FNDC3A: variants seen among roughly 807,000 people sequenced by gnomAD.
The protein encoded by FNDC3A is fibronectin type III domain containing 3A, also known as fibronectin type-III domain-containing protein 3A.
In FNDC3A, 32 loss-of-function variants were observed where a neutral mutation model predicts 148.9. The ratio of observed to expected loss-of-function variants is 0.21; its 90% CI spans 0.16 to 0.29. FNDC3A has a LOEUF of 0.29. FNDC3A is among the 10% of genes least tolerant of loss of function. The probability of loss-of-function intolerance (pLI) is 1.00; values close to 1 mark genes in which losing one functional copy is unlikely to be tolerated. For missense variants in FNDC3A, 1,191 were observed against 1,452.8 expected, an observed-to-expected ratio of 0.82 and a Z score of 2.93; for synonymous variants, 472 against 473.6, an observed-to-expected ratio of 1.00 and a Z score of 0.04.
Position 49,131,877 on chromosome 13 carries a change from T to C in FNDC3A, c.490+503T>C, listed in dbSNP as rs1299217848. On this transcript the variant is annotated intron_variant, in intron 5 of 25. Transcript: ENST00000492622. ...ATAAACACAAAATAATACCTTATTA[T>C]GTCCCATAGCTTTAAACACTGCCTT... Among the ~76,000 whole-genome samples, 4 of 152,386 alleles carry C rather than the reference T, an allele frequency of 2.6e-5. No homozygotes were observed. In the East Asian group the frequency reaches 5.8e-4, roughly 22 times the overall value.
At chr13:49,015,634 A>G (rs1047781194) in intron 2 of FNDC3A, among the ~76,000 whole-genome samples, 7 of 152,272 alleles carry the variant, frequency 4.6e-5, no homozygotes, top group African/African-American at 1.4e-4. Context: ...TTCCAACACT[A>G]TGTTGAATAG....
chr13:49,064,748 T>C (rs1345428793), intron 2 of FNDC3A, among the ~76,000 whole-genome samples: 4 of 152,128 alleles, frequency 2.6e-5, no homozygotes, highest in Admixed American at 6.5e-5. Context: ...GAAAGTTCAC[T>C]TGGGTTCATG....
At chr13:49,069,768 A>G (rs1180436348) in intron 2 of FNDC3A, among the ~76,000 whole-genome samples, 1 of 152,216 alleles carries the variant, frequency 6.6e-6, no homozygotes. Context: ...AAGAGGAGTA[A>G]TAATTGAGGT....
intron 5 of FNDC3A, among the ~76,000 whole-genome samples, chr13:49,135,071 G>A (rs901335109): frequency 1.1e-4 from 17 of 151,704 alleles, no homozygotes; most frequent in East Asian, 7.8e-4. Flanking sequence ...TGGCCAGGCC[G>A]GTCTTGAACT....
chr13:49,083,982 C>T (rs1269556361), intron 3 of FNDC3A, among the ~76,000 whole-genome samples: 1 of 152,156 alleles, frequency 6.6e-6, no homozygotes, highest in South Asian at 2.1e-4. Flanking sequence ...TCTGAATGAG[C>T]GTGTTAAATT....
At chr13:49,010,990 CA>C (rs1177871399) in intron 2 of FNDC3A, among the ~76,000 whole-genome samples, 81 of 152,212 alleles carry the variant, frequency 5.3e-4, no homozygotes, top group African/African-American at 1.9e-3. Flanking sequence ...TTTTAGTTTT[CA>C]GTATCAGATT....
At chr13:49,178,243 T>C (rs539366249) in intron 13 of FNDC3A, among the ~76,000 whole-genome samples, 9 of 152,338 alleles carry the variant, frequency 5.9e-5, no homozygotes, top group Admixed American at 3.3e-4. Context: ...GAAATCTCTG[T>C]TCTTGGGATA....
At chr13:49,065,058 G>T (rs73494354) in intron 2 of FNDC3A, among the ~76,000 whole-genome samples, 1 of 152,172 alleles carries the variant, frequency 6.6e-6, no homozygotes, top group Non-Finnish European at 1.5e-5. Flanking sequence ...AACTTAGTGC[G>T]TCAAATCAGC....
chr13:49,071,134 A>G (rs1170153900), intron 2 of FNDC3A, among the ~76,000 whole-genome samples: 1 of 142,176 alleles, frequency 7.0e-6, no homozygotes, highest in Non-Finnish European at 1.5e-5. Flanking sequence ...TCCTGAGCTC[A>G]AGCAGTCTTT....
rs970549113 is a variant in FNDC3A at position 49,007,897 on chromosome 13, C to T, written c.99+1608C>T. 3.9e-5 allele frequency among the ~76,000 whole-genome samples: 6 copies of T among 152,064 alleles called. No homozygotes were observed. In the South Asian group the frequency reaches 6.2e-4, roughly 16 times the overall value. ...TCTAACTAGCAGGTTGCGTGTAGTTCGGTAGGGAGAGAGCTAAACACGAGT... is the reference window on the plus strand; with the variant it reads ...TCTAACTAGCAGGTTGCGTGTAGTTTGGTAGGGAGAGAGCTAAACACGAGT... On this transcript the variant is annotated intron_variant, in intron 2 of 25. Coordinates refer to ENST00000492622, the MANE Select transcript of FNDC3A (RefSeq NM_001079673.2).
At chr13:49,120,758 A>G (rs567244561) in intron 4 of FNDC3A, among the ~76,000 whole-genome samples, 12 of 152,352 alleles carry the variant, frequency 7.9e-5, no homozygotes, top group African/African-American at 2.6e-4. Context: ...AGGGTATTAC[A>G]TAATGGTAAA....
At chr13:49,098,827 A>G (rs577389370) in intron 3 of FNDC3A, among the ~76,000 whole-genome samples, 55 of 152,226 alleles carry the variant, frequency 3.6e-4, no homozygotes, top group African/African-American at 1.3e-3. Flanking sequence ...GCTTTATCCA[A>G]ACTTTAAAAA....
At chr13:49,161,488 T>A (rs1405068947) in intron 8 of FNDC3A, among the ~76,000 whole-genome samples, 1 of 152,178 alleles carries the variant, frequency 6.6e-6, no homozygotes, top group Non-Finnish European at 1.5e-5. Flanking sequence ...TGAGCCTGTG[T>A]GTGTGTCTGC....
At chr13:49,148,179 CTG>C (rs1371734183) in intron 8 of FNDC3A, among the ~76,000 whole-genome samples, 1 of 152,144 alleles carries the variant, frequency 6.6e-6, no homozygotes, top group African/African-American at 2.4e-5. Flanking sequence ...TGTGTCTTCA[CTG>C]TGTTGGTTGT....
rs1479885918 is a variant in FNDC3A, at chr13:49,006,217, T to C, written c.27T>C (p.Asp9=). Reference sequence around the variant, plus strand: ...TGGCAGAACATCCACCACTACTGGATACAACTCAGATCTTAAGTAGTGATA... The same window carrying C: ...TGGCAGAACATCCACCACTACTGGACACAACTCAGATCTTAAGTAGTGATA... MAEHPPLL[D]TTQILSSDIS... is the part of the protein sequence containing the mutation. Residue 9 remains aspartate (D), a synonymous_variant, in exon 2 of 26, where the codon GAT becomes GAC. Coordinates refer to ENST00000492622, the MANE Select transcript of FNDC3A (RefSeq NM_001079673.2). The C allele has an allele frequency of 3.7e-6, 6 of 1,607,736 alleles. No individual in the cohort carries two copies. Among genetic ancestry groups the C allele is most frequent in the Non-Finnish European group, 5.1e-6 (6 of 1,175,090 alleles).
chr13:49,025,393 T>TA lies in FNDC3A; in HGVS notation c.99+19105dup, dbSNP rs1291357323. 2.0e-5 allele frequency among the ~76,000 whole-genome samples: 3 copies of TA among 152,218 alleles called. No individual in the cohort carries two copies. The East Asian group carries it at 5.8e-4, about 29-fold the overall frequency. On this transcript the variant is annotated intron_variant, in intron 2 of 25. Transcript: ENST00000492622. ...TTCAGCATGACTCTGAGTAATCTAT[T>TA]ACATTCTAAAGTAATTCTTTAGAAT...
chr13:49,060,573 G>A (rs1254286119), intron 2 of FNDC3A, among the ~76,000 whole-genome samples: 1 of 150,614 alleles, frequency 6.6e-6, no homozygotes, highest in African/African-American at 2.5e-5. Context: ...GAACCCAGGA[G>A]GCGGAGGTTG....
intron 3 of FNDC3A, among the ~76,000 whole-genome samples, chr13:49,099,444 C>G (rs944214325): frequency 1.3e-5 from 2 of 152,074 alleles, no homozygotes; most frequent in African/African-American, 2.4e-5. Flanking sequence ...GTATTTGATG[C>G]TGCTGTCTTT....
intron 8 of FNDC3A, among the ~76,000 whole-genome samples, chr13:49,163,756 C>A (rs1884303392): frequency 6.6e-6 from 1 of 152,140 alleles, no homozygotes; most frequent in African/African-American, 2.4e-5. Flanking sequence ...TCCTATTCGG[C>A]CATCTTGGAT....
Sources: gnomAD v4.1 joint callset for allele counts (sites outside exome capture counted in the v4.1 genomes callset) on GRCh38, gnomAD v4.1.1 for gene constraint, MANE v1.5 for transcripts, NCBI Gene and HGNC (gene_info 2026-07-23, HGNC 2026-07-21) for gene names.